The following TMPRSS11E variants were observed in gnomAD, a reference collection of about 807,000 sequenced individuals.
TMPRSS11E encodes the protein transmembrane protease serine 11E.
In TMPRSS11E, 38 loss-of-function variants were observed where a neutral mutation model predicts 48.1. The observed-to-expected ratio is 0.79, with a 90% CI of 0.61 to 1.04. The LOEUF is 1.04. Ranked by LOEUF, TMPRSS11E falls within the 50% of genes least tolerant of loss-of-function variation. TMPRSS11E has a pLI of 0.00. For missense variants in TMPRSS11E, 530 were observed against 510.8 expected, an observed-to-expected ratio of 1.04 and a Z score of -0.36; for synonymous variants, 158 against 171.9, an observed-to-expected ratio of 0.92 and a Z score of 0.63.
At chr4:68,496,123 T>C (rs750642587) in intron 9 of TMPRSS11E, among the ~76,000 whole-genome samples, 1 of 152,098 alleles carries the variant, frequency 6.6e-6, no homozygotes, top group Non-Finnish European at 1.5e-5. Flanking sequence ...TCATCACAGG[T>C]AGGTATTATT....
intron 2 of TMPRSS11E, 43 bp from the exon 3 acceptor site, chr4:68,466,588 A>G: frequency 6.2e-7 from 1 of 1,603,802 alleles, no homozygotes; most frequent in Non-Finnish European, 8.5e-7. Context: ...CTTTACACAC[A>G]TCTGATAAAA....
intron 9 of TMPRSS11E, among the ~76,000 whole-genome samples, chr4:68,481,621 T>C (rs1729402405): frequency 6.6e-6 from 1 of 152,154 alleles, no homozygotes; most frequent in Non-Finnish European, 1.5e-5. Flanking sequence ...AAGTGTCTGT[T>C]CCTGTCTGTA....
intron 1 of TMPRSS11E, among the ~76,000 whole-genome samples, chr4:68,456,823 A>G (rs138263537): frequency 5.6e-4 from 85 of 152,302 alleles, no homozygotes; most frequent in African/African-American, 1.9e-3. Context: ...TCCCTATTTA[A>G]TCAATGGTGT....
At chr4:68,454,907 A>G (rs1213164745) in intron 1 of TMPRSS11E, among the ~76,000 whole-genome samples, 1 of 151,972 alleles carries the variant, frequency 6.6e-6, no homozygotes, top group Non-Finnish European at 1.5e-5. Context: ...GATCAAATCA[A>G]GGTAACTGGG....
chr4:68,474,595 T>G, intron 5 of TMPRSS11E, 128 bp from the exon 6 acceptor site: 1 of 841,090 alleles, frequency 1.2e-6, no homozygotes, highest in African/African-American at 1.7e-5. Context: ...ACAAGCTATG[T>G]TGCCTTCTTT....
intron 9 of TMPRSS11E, among the ~76,000 whole-genome samples, chr4:68,488,236 C>T (rs1729617707): frequency 6.6e-6 from 1 of 152,074 alleles, no homozygotes; most frequent in South Asian, 2.1e-4. Context: ...TTTTCAGGAA[C>T]GATATTCATA....
intron 1 of TMPRSS11E, among the ~76,000 whole-genome samples, chr4:68,450,216 T>C (rs1419578075): frequency 6.6e-6 from 1 of 151,928 alleles, no homozygotes; most frequent in Non-Finnish European, 1.5e-5. Context: ...ATAACAACTT[T>C]TAGTGAGTTC....
intron 8 of TMPRSS11E, 48 bp from the exon 9 acceptor site, chr4:68,478,801 A>C (rs1198744457): frequency 1.3e-6 from 2 of 1,592,998 alleles, no homozygotes; most frequent in Admixed American, 1.7e-5. Context: ...CTTCAAGTTT[A>C]TAAAATATAT....
chr4:68,488,653 C>T (rs1326944651), intron 9 of TMPRSS11E, among the ~76,000 whole-genome samples: 1 of 152,116 alleles, frequency 6.6e-6, no homozygotes, highest in Non-Finnish European at 1.5e-5. Flanking sequence ...ATTCTCCTGC[C>T]TCAGCCTCCT....
chr4:68,454,042 T>A (rs1179769642), intron 1 of TMPRSS11E, among the ~76,000 whole-genome samples: 5 of 151,924 alleles, frequency 3.3e-5, no homozygotes, highest in African/African-American at 9.7e-5. Context: ...GGGCACTATT[T>A]GATTTTTCTG....
intron 5 of TMPRSS11E, among the ~76,000 whole-genome samples, chr4:68,474,230 G>A (rs1729150067): frequency 6.6e-6 from 1 of 152,070 alleles, no homozygotes; most frequent in East Asian, 1.9e-4. Context: ...TTTTAACTGT[G>A]AGTGAGTACA....
At chr4:68,471,735 C>A (rs1273988828) in intron 5 of TMPRSS11E, 112 bp downstream of exon 5, 3 of 684,770 alleles carry the variant, frequency 4.4e-6, no homozygotes, top group East Asian at 3.0e-5. Context: ...GTCTTGCCAC[C>A]AACAGTATAT....
At position 68,447,595 on chromosome 4, in the gene TMPRSS11E, A is replaced by T. The variant is rs1728374966; in HGVS notation, c.11+72A>T. The T allele has an allele frequency of 2.4e-6, 3 of 1,251,796 alleles. No individual in the cohort carries two copies. The African/African-American group carries it at 4.5e-5, about 19-fold the overall frequency. 77.5% of individuals were successfully genotyped at this position (1,251,796 alleles called of 1,614,324 possible). A position where few individuals can be genotyped will look rare whatever the true frequency, so the allele number is the denominator to read the frequency against. On this transcript the variant is annotated intron_variant, in intron 1 of 9. Coordinates refer to ENST00000305363, the MANE Select transcript of TMPRSS11E (RefSeq NM_014058.4). ...AGTTTAAAACAGTATGAGCCACACCAAGGAATGTGTAGATCTACAGTTTAT... is the reference window on the plus strand; with the variant it reads ...AGTTTAAAACAGTATGAGCCACACCTAGGAATGTGTAGATCTACAGTTTAT...
intron 2 of TMPRSS11E, among the ~76,000 whole-genome samples, chr4:68,466,016 GA>G (rs1425197147): frequency 6.6e-6 from 1 of 152,146 alleles, no homozygotes; most frequent in Non-Finnish European, 1.5e-5. Flanking sequence ...TGGTTGGTGG[GA>G]AAAACATACA....
intron 2 of TMPRSS11E, among the ~76,000 whole-genome samples, chr4:68,464,403 C>G (rs1054304807): frequency 1.3e-5 from 2 of 151,988 alleles, no homozygotes; most frequent in Non-Finnish European, 2.9e-5. Flanking sequence ...CATTTCTGCC[C>G]CTGTGTAATT....
chr4:68,464,190 G>A (rs1003152449), intron 2 of TMPRSS11E, among the ~76,000 whole-genome samples: 1 of 152,108 alleles, frequency 6.6e-6, no homozygotes, highest in East Asian at 1.9e-4. Context: ...TAAACTAACC[G>A]AGTGGCTTTG....
Position 68,496,882 on chromosome 4 carries a change from T to C in TMPRSS11E, c.*78T>C. The C allele has an allele frequency of 7.2e-7, 1 of 1,394,926 alleles. No homozygotes were observed. The highest frequency in any genetic ancestry group is 1.4e-5 in the African/African-American group (1 of 69,148). 86.4% of individuals were successfully genotyped at this position (1,394,926 alleles called of 1,614,324 possible). On this transcript the variant is annotated 3_prime_UTR_variant, in exon 10 of 10. Coordinates refer to ENST00000305363, the MANE Select transcript of TMPRSS11E (RefSeq NM_014058.4). ...GAGGCCATTTTTAGAGATACAGAAT[T>C]GGAGAAGACTTGCAAAACAGCTAGA...
intron 2 of TMPRSS11E, 87 bp downstream of exon 2, chr4:68,462,032 T>A: frequency 6.6e-7 from 1 of 1,525,160 alleles, no homozygotes; most frequent in Admixed American, 1.7e-5. Flanking sequence ...GGCTTATTCA[T>A]TTATCACTAC....
chr4:68,477,593 T>C lies in TMPRSS11E; in HGVS notation c.932T>C (p.Met311Thr), dbSNP rs1729266211. ...ASYEFQPGDV[M>T]FVTGFGALKN... ...TATGAGTTTCAACCAGGTGATGTGA[T>C]GTTTGTGACAGGATTTGGAGCACTG... Residue 311 changes from methionine to threonine, a missense_variant, in exon 8 of 10, where the codon ATG becomes ACG. By Grantham distance (81) the Met-to-Thr change is moderately conservative. Transcript: ENST00000305363. The C allele has an allele frequency of 6.2e-7, 1 of 1,613,866 alleles. No homozygotes were observed. Among genetic ancestry groups the C allele is most frequent in the East Asian group, 2.2e-5 (1 of 44,894 alleles).
Sources: allele counts gnomAD v4.1 joint callset (sites outside exome capture counted in the v4.1 genomes callset), GRCh38; gene constraint gnomAD v4.1.1; transcripts MANE v1.5; gene names NCBI Gene and HGNC (gene_info 2026-07-23, HGNC 2026-07-21).